FBN3: variants seen among roughly 807,000 people sequenced by gnomAD.
FBN3 encodes the protein fibrillin-3.
In FBN3, 234 loss-of-function variants were observed where a neutral mutation model predicts 330.1. The observed-to-expected ratio is 0.71, with a 90% confidence interval of 0.64 to 0.79. FBN3 has a LOEUF of 0.79. Among genes scored for constraint, FBN3 ranks in the 30% least tolerant of loss-of-function variants. FBN3 has a pLI of 0.00. For synonymous variants in FBN3, 1,458 were observed against 1,517.3 expected, an observed-to-expected ratio of 0.96 and a Z score of 0.91; for missense variants, 3,606 against 3,886.9, an observed-to-expected ratio of 0.93 and a Z score of 1.92.
At position 8,075,131 on chromosome 19, in the gene FBN3, C is replaced by T. The variant is rs750752355; in HGVS notation, c.7642G>A (p.Gly2548Ser). ...CCCTGGGGGCAGCTGCAGCGGTAGC[C>T]CCCTAGCTGGTTCTGACAGCCATGC... is the stretch of plus-strand genomic sequence containing the variant. ...CQHGCQNQLG[G>S]YRCSCPQGFT... The change falls in exon 61 of 64, where the codon GGC (glycine) becomes AGC (serine). Residue 2548 changes from glycine (G) to serine (S), a missense_variant. By Grantham distance (56) the Gly-to-Ser change is moderately conservative. Transcript: ENST00000600128. The T allele has an allele frequency of 2.6e-5, 41 of 1,584,762 alleles. No individual in the cohort carries two copies. Among genetic ancestry groups the T allele is most frequent in the Non-Finnish European group, 3.4e-5 (40 of 1,164,628 alleles).
At chr19:8,098,945 G>A (rs866457815) in intron 41 of FBN3, among the ~76,000 whole-genome samples, 37 of 152,176 alleles carry the variant, frequency 2.4e-4, no homozygotes, top group Admixed American at 1.6e-3. Context: ...CATCACTGGG[G>A]GACCTGGGAT....
At position 8,096,843 on chromosome 19, in the gene FBN3, G is replaced by A; in HGVS notation, c.5413+38C>T. ...CATCTAAGTCCCCATGGGTGACAGA[G>A]CCCAGCTCCCTCACCTCCTCCCAGG... On this transcript the variant is annotated intron_variant, in intron 43 of 63. Coordinates refer to ENST00000600128, the MANE Select transcript of FBN3 (RefSeq NM_032447.5). The surrounding 1 kb of genome is among the most constrained non-coding windows in gnomAD (Gnocchi z 4.6). 6.2e-7 allele frequency: 1 copy of A among 1,605,748 alleles called. No individual in the cohort carries two copies. The highest frequency in any genetic ancestry group is 8.5e-7 in the Non-Finnish European group (1 of 1,177,766).
intron 16 of FBN3, among the ~76,000 whole-genome samples, chr19:8,130,613 A>AAGGAAGGAAGGAAGGAAGGAAGG (rs1568440036): frequency 7.5e-5 from 1 of 13,390 alleles, no homozygotes; most frequent in Non-Finnish European, 1.6e-4. Context: ...AGAAAGAAAG[A>AAGGAAGGAAGGAAGGAAGGAAGG]AAGAAAGAAA....
chr19:8,113,822 T>C (rs2082644895), intron 30 of FBN3, among the ~76,000 whole-genome samples: 1 of 124,092 alleles, frequency 8.1e-6, no homozygotes, highest in African/African-American at 3.1e-5. Context: ...CCGGGCGACA[T>C]AGTAAAACAC....
At chr19:8,091,714 G>T in intron 47 of FBN3, 124 bp from the exon 48 acceptor site, 1 of 1,060,064 alleles carries the variant, frequency 9.4e-7, no homozygotes, top group East Asian at 2.5e-5. Context: ...GTGGGGCTGG[G>T]GTCCTGAGAG....
intron 6 of FBN3, among the ~76,000 whole-genome samples, chr19:8,143,762 G>C (rs976889906): frequency 5.4e-5 from 7 of 129,284 alleles, no homozygotes; most frequent in Non-Finnish European, 9.5e-5. Context: ...CAAAATGCTA[G>C]AATTGCAGGC....
At chr19:8,073,560 C>T (rs2081572121) in intron 61 of FBN3, among the ~76,000 whole-genome samples, 1 of 152,226 alleles carries the variant, frequency 6.6e-6, no homozygotes, top group Admixed American at 6.5e-5. Context: ...GCTTTCTCAC[C>T]CTCAGTGCTA....
At chr19:8,088,988 G>GAGTGAATGAGTGAGAGAATTAGCA (rs1299388027) in intron 51 of FBN3, among the ~76,000 whole-genome samples, 55 of 152,340 alleles carry the variant, frequency 3.6e-4, no homozygotes, top group African/African-American at 1.3e-3. Flanking sequence ...GTGAGCAAAG[G>GAGTGAATGAGTGAGAGAATTAGCA]AGTGAATGAG....
In FBN3 at chr19:8,091,493, G is replaced by A. The variant is rs1325658141; in HGVS notation, c.6003C>T (p.Val2001=). Residue 2001 remains valine, a synonymous_variant, in exon 48 of 64, where the codon GTC becomes GTT. Transcript: ENST00000600128. ...AGCAACGGTGCCCATTGTCAGAGAG[G>A]ACAAAGCCAGGTGGGCAGAGGCACT... is the stretch of plus-strand genomic sequence containing the variant. ...SFQCLCPPGF[V]LSDNGHRCFD... is the part of the protein sequence containing the mutation. 3 of 1,614,236 alleles carry A rather than the reference G, an allele frequency of 1.9e-6. No individual in the cohort carries two copies. Among genetic ancestry groups the A allele is most frequent in the African/African-American group, 2.7e-5 (2 of 75,062 alleles).
chr19:8,077,709 T>C (rs979082759), intron 59 of FBN3, among the ~76,000 whole-genome samples: 33 of 151,884 alleles, frequency 2.2e-4, no homozygotes, highest in African/African-American at 8.0e-4. Flanking sequence ...ATGAAGCTTC[T>C]AAGTAGGAGT....
chr19:8,121,357 G>A lies in FBN3; in HGVS notation c.3112C>T (p.Leu1038Phe). 6.2e-7 allele frequency: 1 copy of A among 1,611,708 alleles called. No individual in the cohort carries two copies. Among genetic ancestry groups the A allele is most frequent in the Non-Finnish European group, 8.5e-7 (1 of 1,178,794 alleles). The change falls in exon 25 of 64, where the codon CTC becomes TTC. Residue 1038 changes from leucine (L) to phenylalanine (F), a missense_variant. Coordinates refer to ENST00000600128, the MANE Select transcript of FBN3 (RefSeq NM_032447.5). The surrounding 1 kb of genome is among the most constrained non-coding windows in gnomAD (Gnocchi z 4.5). Reference protein sequence around the residue: ...DIDECRISPDLCGQGTCVNTP... With the variant: ...DIDECRISPDFCGQGTCVNTP... ...TTGACACAGGTGCCCTGGCCGCAGA[G>A]GTCAGGAGAGATGCGACACTCGTCG...
chr19:8,105,947 G>A lies in FBN3; in HGVS notation c.4813+161C>T, dbSNP rs527491029. On this transcript the variant is annotated intron_variant, in intron 38 of 63. Coordinates refer to ENST00000600128, the MANE Select transcript of FBN3 (RefSeq NM_032447.5). ...CCACAGCAGCCATGAACATCTTAAA[G>A]GCAGCAAGAGAGAACTGACAGATCA... Among the ~76,000 whole-genome samples the A allele has an allele frequency of 2.6e-5, 4 of 152,284 alleles. No homozygotes were observed. The South Asian group carries it at 8.3e-4, about 32-fold the overall frequency.
intron 13 of FBN3, among the ~76,000 whole-genome samples, chr19:8,134,673 C>G (rs1004387061): frequency 1.3e-5 from 2 of 152,270 alleles, no homozygotes; most frequent in East Asian, 3.9e-4. Flanking sequence ...ATGGCTCACG[C>G]CTGTAATCTC....
At chr19:8,095,342 T>C (rs772474574) in intron 46 of FBN3, 33 bp downstream of exon 46, 1 of 1,601,400 alleles carries the variant, frequency 6.2e-7, no homozygotes, top group South Asian at 1.1e-5. Flanking sequence ...AGGGGCTGGC[T>C]GAGATGCCTC....
Position 8,121,428 on chromosome 19 carries a change from C to T in FBN3, c.3083-42G>A, listed in dbSNP as rs767360555. ...CAGAGGCCGGAGGCGCCATGTGGGC[C>T]GCATCATGGGGCACGAGGCAGGGGG... On this transcript the variant is annotated intron_variant, in intron 24 of 63. Coordinates refer to ENST00000600128, the MANE Select transcript of FBN3 (RefSeq NM_032447.5). The surrounding 1 kb of genome is among the most constrained non-coding windows in gnomAD (Gnocchi z 4.5). 24 of 1,540,304 alleles carry T rather than the reference C, an allele frequency of 1.6e-5. No homozygotes were observed. The highest frequency in any genetic ancestry group is 7.0e-5 in the East Asian group (3 of 42,730).
rs1008032560 is a variant in FBN3 at position 8,080,151 on chromosome 19, C to G, written c.7453+852G>C. Among the ~76,000 whole-genome samples, 5 of 152,284 alleles carry G rather than the reference C, an allele frequency of 3.3e-5. No individual in the cohort carries two copies. The East Asian group carries it at 9.6e-4, about 29-fold the overall frequency. On this transcript the variant is annotated intron_variant, in intron 59 of 63. Coordinates refer to ENST00000600128, the MANE Select transcript of FBN3 (RefSeq NM_032447.5). Reference sequence around the variant, plus strand: ...GTCAATCAAACTTTATTAACAAAAGCAAGCAGGGGGCCGGGCTTGGCTGGC... The same window carrying G: ...GTCAATCAAACTTTATTAACAAAAGGAAGCAGGGGGCCGGGCTTGGCTGGC...
intron 47 of FBN3, 42 bp downstream of exon 47, chr19:8,094,404 C>T: frequency 2.5e-6 from 4 of 1,574,936 alleles, no homozygotes; most frequent in Non-Finnish European, 3.5e-6. Flanking sequence ...GAAAGAGAGG[C>T]ACTCCCTGGC....
intron 26 of FBN3, among the ~76,000 whole-genome samples, chr19:8,118,672 C>T (rs549391734): frequency 3.9e-4 from 60 of 152,206 alleles, no homozygotes; most frequent in African/African-American, 1.4e-3. Flanking sequence ...CACACATGTG[C>T]GTGTTCATCT....
chr19:8,111,849 C>T, intron 31 of FBN3, 79 bp from the exon 32 acceptor site: 1 of 1,560,570 alleles, frequency 6.4e-7, no homozygotes, highest in Non-Finnish European at 8.7e-7. Context: ...GACCCATCAA[C>T]CCTCCAACCC....
Sources: allele counts gnomAD v4.1 joint callset (sites outside exome capture counted in the v4.1 genomes callset), GRCh38; gene constraint gnomAD v4.1.1; non-coding constraint Gnocchi (gnomAD v3.1); transcripts MANE v1.5; gene names NCBI Gene and HGNC (gene_info 2026-07-23, HGNC 2026-07-21).